TIAM1: variants seen among roughly 807,000 people sequenced by gnomAD.
The protein encoded by TIAM1 is rho guanine nucleotide exchange factor TIAM1.
TIAM1 carries 65 observed loss-of-function variants against 163.5 expected under a neutral mutation model. The observed-to-expected ratio is 0.40, with a 90% confidence interval of 0.33 to 0.49. The LOEUF (loss-of-function observed/expected upper bound fraction) is 0.49, where lower values mean the gene tolerates loss of function less well. Ranked by LOEUF, TIAM1 falls within the 20% of genes least tolerant of loss-of-function variation. TIAM1 has a pLI of 0.77. For missense variants in TIAM1, 1,789 were observed against 2,044.7 expected, an observed-to-expected ratio of 0.87 and a Z score of 2.41; for synonymous variants, 833 against 810.1, an observed-to-expected ratio of 1.03 and a Z score of -0.48.
chr21:31,189,044 C>CTTTTTT lies in TIAM1; in HGVS notation c.2576-1963_2576-1958dup, dbSNP rs58786753. Among the ~76,000 whole-genome samples the CTTTTTT allele has an allele frequency of 2.4e-3, 169 of 70,084 alleles. 23 individuals carry two copies. Among genetic ancestry groups the CTTTTTT allele is most frequent in the South Asian group, 4.1e-3 (5 of 1,224 alleles). The allele number at this position is 70,084 out of a possible 152,430, so 46.0% of individuals were successfully genotyped here. On this transcript the variant is annotated intron_variant, in intron 13 of 27. Coordinates refer to ENST00000541036, the MANE Select transcript of TIAM1 (RefSeq NM_001353694.2). ...TCAGGTATGATTTGCTCCATTCCCT[C>CTTTTTT]TTTTTTTTTTTTTTTTTTTTTTTTT...
At chr21:31,385,293 G>A (rs1052942834) in intron 2 of TIAM1, among the ~76,000 whole-genome samples, 1 of 152,158 alleles carries the variant, frequency 6.6e-6, no homozygotes, top group Admixed American at 6.6e-5. Context: ...CCTTTCAATA[G>A]TGTGTTCTTT....
chr21:31,386,971 C>T (rs917320079), intron 2 of TIAM1, among the ~76,000 whole-genome samples: 2 of 152,070 alleles, frequency 1.3e-5, no homozygotes, highest in Non-Finnish European at 2.9e-5. Flanking sequence ...GGCATGGCCC[C>T]GCTGGGCTGG....
At chr21:31,259,992 G>T (rs1274779589) in intron 4 of TIAM1, among the ~76,000 whole-genome samples, 1 of 151,632 alleles carries the variant, frequency 6.6e-6, no homozygotes, top group Non-Finnish European at 1.5e-5. Flanking sequence ...AGGCTGGAGT[G>T]CAGTGGTGTG....
intron 23 of TIAM1, 67 bp from the exon 24 acceptor site, chr21:31,131,015 A>T: frequency 7.3e-7 from 1 of 1,366,786 alleles, no homozygotes; most frequent in Non-Finnish European, 1.0e-6. Context: ...GACATCACCA[A>T]CTTGTGGTAA....
At chr21:31,245,425 C>A in intron 6 of TIAM1, 63 bp downstream of exon 6, 1 of 1,110,242 alleles carries the variant, frequency 9.0e-7, no homozygotes, top group Non-Finnish European at 1.2e-6. Context: ...GGTGCCTAGG[C>A]AAGAAAAGAA....
intron 2 of TIAM1, among the ~76,000 whole-genome samples, chr21:31,300,797 A>G (rs1363405189): frequency 6.6e-6 from 1 of 152,264 alleles, no homozygotes; most frequent in Admixed American, 6.5e-5. Flanking sequence ...TTATTGCTCC[A>G]GAACTTATCA....
chr21:31,196,298 C>T (rs1371154610), intron 12 of TIAM1, among the ~76,000 whole-genome samples: 1 of 150,672 alleles, frequency 6.6e-6, no homozygotes, highest in South Asian at 2.1e-4. Flanking sequence ...GAAGGGAATG[C>T]TTTTCTTTTC....
At chr21:31,427,673 A>T (rs967127948) in intron 2 of TIAM1, among the ~76,000 whole-genome samples, 66 of 151,704 alleles carry the variant, frequency 4.4e-4, no homozygotes, top group Non-Finnish European at 7.8e-4. Flanking sequence ...AATTTTTTTT[A>T]AAAAATTAAA....
intron 2 of TIAM1, among the ~76,000 whole-genome samples, chr21:31,413,522 G>A (rs895249249): frequency 6.6e-6 from 1 of 151,594 alleles, no homozygotes; most frequent in Non-Finnish European, 1.5e-5. Context: ...CACCCGCCCC[G>A]GCCTCCCAAA....
At chr21:31,167,086 T>TC (rs2084262289) in intron 15 of TIAM1, among the ~76,000 whole-genome samples, 1 of 145,454 alleles carries the variant, frequency 6.9e-6, no homozygotes, top group Non-Finnish European at 1.5e-5. Flanking sequence ...TAAAAGGATT[T>TC]CCTTTTTTTT....
At chr21:31,524,326 G>T (rs1225567567) in intron 1 of TIAM1, among the ~76,000 whole-genome samples, 1 of 152,086 alleles carries the variant, frequency 6.6e-6, no homozygotes, top group Non-Finnish European at 1.5e-5. Context: ...AGTAGAGGGA[G>T]GTGTCACACT....
At position 31,202,915 on chromosome 21, in the gene TIAM1, T is replaced by G. The variant is rs142869227; in HGVS notation, c.2486A>C (p.Tyr829Ser). The change falls in exon 12 of 28, where the codon TAT becomes TCT. Residue 829 changes from tyrosine to serine, a missense_variant. By Grantham distance (144) the Tyr-to-Ser change is moderately radical. Coordinates refer to ENST00000541036, the MANE Select transcript of TIAM1 (RefSeq NM_001353694.2). ...CAACAGTCATAACATTACCAGCTCA[T>G]AGATGTCTTCCTCGGGCTGTGGAAC... The part of the protein sequence containing the change: ...LYVPQPEEDI[Y>S]ELLYKEIEIC... 1.2e-6 allele frequency: 2 copies of G among 1,613,876 alleles called. No individual in the cohort carries two copies.
At chr21:31,183,097 CA>C (rs1423810431) in intron 14 of TIAM1, among the ~76,000 whole-genome samples, 10 of 152,164 alleles carry the variant, frequency 6.6e-5, no homozygotes, top group Non-Finnish European at 1.3e-4. Flanking sequence ...TCCAAGGAAC[CA>C]AAATGCAGGG....
chr21:31,425,231 G>A (rs1169875935), intron 2 of TIAM1, among the ~76,000 whole-genome samples: 1 of 152,112 alleles, frequency 6.6e-6, no homozygotes, highest in Admixed American at 6.6e-5. Context: ...AGATGGAAAG[G>A]AAAGCAGGCT....
chr21:31,495,845 G>A (rs192715575), intron 1 of TIAM1, among the ~76,000 whole-genome samples: 10 of 152,192 alleles, frequency 6.6e-5, no homozygotes, highest in East Asian at 1.9e-4. Context: ...AGGGGCAGGC[G>A]CCTATAATCC....
intron 2 of TIAM1, among the ~76,000 whole-genome samples, chr21:31,369,486 A>G (rs2076558768): frequency 6.6e-6 from 1 of 152,160 alleles, no homozygotes; most frequent in African/African-American, 2.4e-5. Flanking sequence ...TAAGTTCTAG[A>G]GATCTATACC....
intron 2 of TIAM1, among the ~76,000 whole-genome samples, chr21:31,391,328 C>A (rs189869222): frequency 1.3e-5 from 2 of 151,934 alleles, no homozygotes; most frequent in Admixed American, 6.6e-5. Flanking sequence ...CTTTCCAAGT[C>A]GTTATGAAAG....
intron 2 of TIAM1, among the ~76,000 whole-genome samples, chr21:31,459,114 T>TATTG (rs150505357): frequency 0.3 from 45,794 of 151,190 alleles, 7,068 homozygotes; most frequent in African/African-American, 0.33. Context: ...ACTTGATTGC[T>TATTG]ATTGATTGAT....
chr21:31,216,955 C>A (rs2087246864), intron 9 of TIAM1, among the ~76,000 whole-genome samples: 1 of 152,170 alleles, frequency 6.6e-6, no homozygotes, highest in South Asian at 2.1e-4. Flanking sequence ...TGCCTGTAAT[C>A]TCAGCACTTG....
Sources: allele counts gnomAD v4.1 joint callset (sites outside exome capture counted in the v4.1 genomes callset), GRCh38; gene constraint gnomAD v4.1.1; transcripts MANE v1.5; gene names NCBI Gene and HGNC (gene_info 2026-07-23, HGNC 2026-07-21).